ZBTB10: variants seen among roughly 807,000 people sequenced by gnomAD.
The protein encoded by ZBTB10 is zinc finger and BTB domain containing 10.
In ZBTB10, 32 loss-of-function variants were observed where a neutral mutation model predicts 76.4. That is an observed-to-expected ratio of 0.42 (90% CI 0.32 to 0.56). The LOEUF (loss-of-function observed/expected upper bound fraction) is 0.56. Among genes scored for constraint, ZBTB10 ranks in the 20% least tolerant of loss-of-function variants. The pLI is 0.14. For synonymous variants in ZBTB10, 523 were observed against 432.9 expected (o/e 1.21, Z -2.58); for missense variants, 1,057 against 1,098.5 (o/e 0.96, Z 0.53).
chr8:80,504,022 T>C (rs1795647485), intron 2 of ZBTB10, among the ~76,000 whole-genome samples: 1 of 152,168 alleles, frequency 6.6e-6, no homozygotes. Flanking sequence ...GTTAAGGCCT[T>C]CCCAAGGTCA....
In ZBTB10 at chr8:80,486,794, C is replaced by A; in HGVS notation, c.-17C>A. 7.1e-7 allele frequency: 1 copy of A among 1,402,656 alleles called. No individual in the cohort carries two copies. The highest frequency in any genetic ancestry group is 1.6e-5 in the South Asian group (1 of 63,772). The allele number at this position is 1,402,656 out of a possible 1,614,324, so 86.9% of individuals were successfully genotyped here. ...CGCGAGCCGGGGCACCGGGCGGCGG[C>A]GGCGGCGGCGCGCGCCATGTCGTTC... On this transcript the variant is annotated 5_prime_UTR_variant, in exon 1 of 6. Coordinates refer to ENST00000455036, the MANE Select transcript of ZBTB10 (RefSeq NM_001105539.3).
chr8:80,493,169 C>T (rs1815674528), intron 1 of ZBTB10, among the ~76,000 whole-genome samples: 1 of 149,736 alleles, frequency 6.7e-6, no homozygotes, highest in Non-Finnish European at 1.5e-5. Flanking sequence ...CCAACTGGGG[C>T]GACAAGCAAG....
Position 80,487,533 on chromosome 8 carries a change from T to A in ZBTB10, c.723T>A (p.Ser241=). 1 of 1,584,460 alleles carries A rather than the reference T, an allele frequency of 6.3e-7. No homozygotes were observed. The change falls in exon 1 of 6, where the codon TCT becomes TCA. Residue 241 remains serine, a synonymous_variant. Coordinates refer to ENST00000455036, the MANE Select transcript of ZBTB10 (RefSeq NM_001105539.3). ...ACTTCCCGCTCGCGCGGCCCAAGTC[T>A]CTAATGCAGAAGCTCCAATGCTCCT... is the stretch of plus-strand genomic sequence containing the variant. The part of the protein sequence containing the change: ...VQHFPLARPK[S]LMQKLQCSFQ...
chr8:80,508,849 G>A (rs1472690957), intron 2 of ZBTB10, among the ~76,000 whole-genome samples: 5 of 152,188 alleles, frequency 3.3e-5, no homozygotes, highest in Non-Finnish European at 5.9e-5. Context: ...TTGTTTTACA[G>A]ACTCTGAAGT....
chr8:80,501,083 A>T (rs1478609050), intron 2 of ZBTB10, among the ~76,000 whole-genome samples: 1 of 151,970 alleles, frequency 6.6e-6, no homozygotes, highest in East Asian at 1.9e-4. Flanking sequence ...CCAGGCTGGT[A>T]TGGAACCCCT....
chr8:80,487,750 A>G lies in ZBTB10; in HGVS notation c.940A>G (p.Thr314Ala). 2 of 1,607,120 alleles carry G rather than the reference A, an allele frequency of 1.2e-6. No homozygotes were observed. Among genetic ancestry groups the G allele is most frequent in the Non-Finnish European group, 1.7e-6 (2 of 1,176,678 alleles). ...KTLLLRHHVS[T>A]EHKLHEANAQ... ...CCTCCTCCTGAGGCACCACGTCTCT[A>G]CCGAGCACAAACTCCACGAAGCCAA... The change falls in exon 1 of 6, where the codon ACC becomes GCC. Residue 314 changes from threonine to alanine, a missense_variant. Around this residue, in one of 5 missense-constraint regions of ZBTB10, gnomAD observed 556 missense variants for 451.7 expected, o/e 1.23. Coordinates refer to ENST00000455036, the MANE Select transcript of ZBTB10 (RefSeq NM_001105539.3).
At chr8:80,500,974 C>T (rs1269847972) in intron 2 of ZBTB10, among the ~76,000 whole-genome samples, 1 of 152,200 alleles carries the variant, frequency 6.6e-6, no homozygotes, top group Non-Finnish European at 1.5e-5. Flanking sequence ...TCAAACGATT[C>T]TCCTGCCTCA....
At chr8:80,514,578 A>AT (rs1816281652) in intron 3 of ZBTB10, among the ~76,000 whole-genome samples, 1 of 152,268 alleles carries the variant, frequency 6.6e-6, no homozygotes, top group Non-Finnish European at 1.5e-5. Flanking sequence ...ATTCAAAGTC[A>AT]TCAGTGGATG....
chr8:80,513,431 C>G (rs1017405579), intron 2 of ZBTB10, among the ~76,000 whole-genome samples: 2 of 152,170 alleles, frequency 1.3e-5, no homozygotes, highest in African/African-American at 4.8e-5. Flanking sequence ...GCCTGAGCCC[C>G]CACTTCCAGC....
At chr8:80,511,489 T>A (rs889004488) in intron 2 of ZBTB10, among the ~76,000 whole-genome samples, 1 of 152,226 alleles carries the variant, frequency 6.6e-6, no homozygotes, top group African/African-American at 2.4e-5. Flanking sequence ...GTATTTTTTA[T>A]TTTTATTTCA....
At chr8:80,518,994 A>C in intron 5 of ZBTB10, 40 bp downstream of exon 5, 1 of 1,539,558 alleles carries the variant, frequency 6.5e-7, no homozygotes, top group African/African-American at 1.4e-5. Context: ...GAGATAAACT[A>C]TATTTATGTC....
intron 3 of ZBTB10, among the ~76,000 whole-genome samples, chr8:80,516,909 G>A (rs953376268): frequency 1.3e-5 from 2 of 152,158 alleles, no homozygotes; most frequent in African/African-American, 2.4e-5. Flanking sequence ...CCCATGGGAG[G>A]AAAATGTATT....
rs1255631872 is a variant in ZBTB10 at position 80,504,282 on chromosome 8, T to A, written c.1861+3900T>A. On this transcript the variant is annotated intron_variant, in intron 2 of 5. Transcript: ENST00000455036. ...AGTTCTATAGCAAACATCTGAAAAG[T>A]CTTAGTGAATTGTTCAATCTGCAAA... Among the ~76,000 whole-genome samples the A allele has an allele frequency of 2.0e-5, 3 of 152,230 alleles. No homozygotes were observed. In the East Asian group the frequency reaches 5.8e-4, roughly 29 times the overall value.
At chr8:80,507,442 C>T (rs564210694) in intron 2 of ZBTB10, among the ~76,000 whole-genome samples, 3 of 152,050 alleles carry the variant, frequency 2.0e-5, no homozygotes, top group Non-Finnish European at 4.4e-5. Context: ...GAAACCCCGT[C>T]TCTACTAAAA....
chr8:80,499,658 G>A lies in ZBTB10; in HGVS notation c.1137G>A (p.Lys379=). 6.2e-7 allele frequency: 1 copy of A among 1,613,968 alleles called. No homozygotes were observed. Among genetic ancestry groups the A allele is most frequent in the Non-Finnish European group, 8.5e-7 (1 of 1,179,864 alleles). ...GCGGAAAAATCTTCAAAGCTCATAA[G>A]AACATCCTGGTTGCAGGCAGCCGTT... The part of the protein sequence containing the change: ...VVSGKIFKAH[K]NILVAGSRFF... The change falls in exon 2 of 6, where the codon AAG becomes AAA. Residue 379 remains lysine (K), a synonymous_variant. Transcript: ENST00000455036.
rs758547749 is a variant in ZBTB10 at position 80,519,350 on chromosome 8, A to G, written c.2438A>G (p.Gln813Arg). Residue 813 changes from glutamine (Q) to arginine (R), a missense_variant, in exon 6 of 6, where the codon CAG (glutamine) becomes CGG (arginine). Physicochemically the swap from Gln to Arg is conservative, Grantham distance 43. This residue lies in a region of ZBTB10 where 54 missense variants were observed against 138.1 expected (regional missense o/e 0.39). Transcript: ENST00000455036. ...GVCVDCADKSQPGGQEGVDQG... is the reference protein window; with the variant it reads ...GVCVDCADKSRPGGQEGVDQG... ...TGTGTAGACTGTGCAGATAAATCAC[A>G]GCCAGGAGGGCAAGAAGGTGTAGAT... 3.1e-6 allele frequency: 5 copies of G among 1,613,598 alleles called. No homozygotes were observed. In the African/African-American group the frequency reaches 6.7e-5, roughly 22 times the overall value.
chr8:80,518,349 A>G (rs1816381692), intron 3 of ZBTB10, 54 bp from the exon 4 acceptor site: 2 of 1,486,036 alleles, frequency 1.3e-6, no homozygotes, highest in Non-Finnish European at 1.8e-6. Flanking sequence ...TCTGACTCTG[A>G]TGAGAGACAG....
intron 1 of ZBTB10, among the ~76,000 whole-genome samples, chr8:80,497,747 G>A (rs1815824644): frequency 1.4e-5 from 2 of 145,252 alleles, no homozygotes; most frequent in Admixed American, 1.4e-4. Flanking sequence ...GAGTGCAGTG[G>A]CATGATCTTG....
At chr8:80,491,579 C>T (rs1815631751) in intron 1 of ZBTB10, among the ~76,000 whole-genome samples, 2 of 152,146 alleles carry the variant, frequency 1.3e-5, no homozygotes, top group Admixed American at 6.5e-5. Flanking sequence ...TTAAAACATG[C>T]TTTCTGAGTC....
Sources: allele counts gnomAD v4.1 joint callset (sites outside exome capture counted in the v4.1 genomes callset), GRCh38; gene constraint gnomAD v4.1.1; regional missense constraint gnomAD v4.1.1; transcripts MANE v1.5; gene names NCBI Gene and HGNC (gene_info 2026-07-23, HGNC 2026-07-21).